Variants in BCAR3 observed in about 807,000 individuals in gnomAD.
BCAR3 encodes the protein breast cancer anti-estrogen resistance protein 3.
BCAR3 carries 37 observed loss-of-function variants against 80.1 expected under a neutral mutation model. The ratio of observed to expected loss-of-function variants is 0.46; its 90% CI spans 0.36 to 0.61. The LOEUF is 0.61. Ranked by LOEUF, BCAR3 falls within the 20% of genes least tolerant of loss-of-function variation. The pLI is 0.00. For missense variants in BCAR3, 978 were observed against 1,068.2 expected, an observed-to-expected ratio of 0.92 and a Z score of 1.18; for synonymous variants, 389 against 418.9, an observed-to-expected ratio of 0.93 and a Z score of 0.87.
intron 3 of BCAR3, among the ~76,000 whole-genome samples, chr1:93,603,922 G>T (rs1674698691): frequency 6.6e-6 from 1 of 152,224 alleles, no homozygotes; most frequent in African/African-American, 2.4e-5. Context: ...GAAATTGGCA[G>T]CAGAGATTCC....
chr1:93,749,173 A>G (rs1651458517), intron 2 of BCAR3, among the ~76,000 whole-genome samples: 2 of 151,944 alleles, frequency 1.3e-5, no homozygotes, highest in African/African-American at 2.4e-5. Flanking sequence ...TGGTAATTGC[A>G]TATTAATCTC....
intron 2 of BCAR3, among the ~76,000 whole-genome samples, chr1:93,811,982 C>A (rs1443220551): frequency 6.6e-6 from 1 of 152,176 alleles, no homozygotes; most frequent in Non-Finnish European, 1.5e-5. Flanking sequence ...TAAACGTTTC[C>A]CAGCACATCA....
At position 93,567,396 on chromosome 1, in the gene BCAR3, C is replaced by T. The variant is rs759045700; in HGVS notation, c.2182G>A (p.Asp728Asn). Residue 728 changes from aspartate to asparagine, a missense_variant, in exon 11 of 12, where the codon GAC becomes AAC. By Grantham distance (23) the Asp-to-Asn change is conservative. Coordinates refer to ENST00000260502, the MANE Select transcript of BCAR3 (RefSeq NM_003567.4). ...CTCTGGTCGTTTTTTTCCCACATGT[C>T]GGTTCCTTCAAAAGTCACAGCCTGG... is the stretch of plus-strand genomic sequence containing the variant. ...ERQAVTFEGT[D>N]MWEKNDQSCE... 53 of 1,613,890 alleles carry T rather than the reference C, an allele frequency of 3.3e-5. No individual in the cohort carries two copies. The Admixed American group carries it at 3.8e-4, about 12-fold the overall frequency.
At chr1:93,719,296 A>G (rs1032929777) in intron 2 of BCAR3, among the ~76,000 whole-genome samples, 3 of 151,482 alleles carry the variant, frequency 2.0e-5, no homozygotes, top group East Asian at 1.9e-4. Flanking sequence ...CAAAGAAATT[A>G]AAAAGGAGTA....
intron 3 of BCAR3, among the ~76,000 whole-genome samples, chr1:93,690,235 G>A (rs1033114678): frequency 3.9e-5 from 6 of 152,190 alleles, no homozygotes; most frequent in Non-Finnish European, 7.3e-5. Flanking sequence ...CCATCAAACC[G>A]AGAAGTGAAG....
At chr1:93,725,800 T>A (rs1166041404) in intron 2 of BCAR3, among the ~76,000 whole-genome samples, 1 of 152,166 alleles carries the variant, frequency 6.6e-6, no homozygotes, top group Non-Finnish European at 1.5e-5. Flanking sequence ...AGGGATCCAA[T>A]TTTTTGCCTT....
chr1:93,588,921 C>G lies in BCAR3; in HGVS notation c.929+56G>C, dbSNP rs1218616663. 3.7e-5 allele frequency: 55 copies of G among 1,477,708 alleles called. 1 individual carries two copies. The allele number at this position is 1,477,708 out of a possible 1,614,324, so 91.5% of individuals were successfully genotyped here. On this transcript the variant is annotated intron_variant, in intron 5 of 11. Transcript: ENST00000260502. ...CATGATGAATTCTTCACCTGCCTAA[C>G]TAACCTTGGGCACCCCGGCGCCCCT...
intron 7 of BCAR3, among the ~76,000 whole-genome samples, chr1:93,577,073 G>C (rs879928028): frequency 6.6e-6 from 1 of 152,202 alleles, no homozygotes; most frequent in Non-Finnish European, 1.5e-5. Context: ...AGGATCACTT[G>C]AGTACAGGAG....
intron 8 of BCAR3, 57 bp from the exon 9 acceptor site, chr1:93,571,898 A>C: frequency 1.3e-6 from 2 of 1,548,922 alleles, no homozygotes; most frequent in East Asian, 4.5e-5. Flanking sequence ...GGAGAAAACT[A>C]AACCAAATCA....
intron 2 of BCAR3, among the ~76,000 whole-genome samples, chr1:93,669,800 G>C (rs2101941245): frequency 6.6e-6 from 1 of 152,310 alleles, no homozygotes; most frequent in South Asian, 2.1e-4. Context: ...ACCTGGATGA[G>C]ATTGGAGACT....
chr1:93,811,353 C>G (rs1653834390), intron 2 of BCAR3, among the ~76,000 whole-genome samples: 1 of 152,184 alleles, frequency 6.6e-6, no homozygotes, highest in African/African-American at 2.4e-5. Flanking sequence ...TGAAGTCTGA[C>G]TGATATGGAA....
At chr1:93,664,915 A>G (rs1382602309) in intron 2 of BCAR3, among the ~76,000 whole-genome samples, 1 of 152,012 alleles carries the variant, frequency 6.6e-6, no homozygotes, top group Non-Finnish European at 1.5e-5. Flanking sequence ...CAATCCCACC[A>G]GTCCCATCTA....
chr1:93,767,807 C>T (rs185478555), intron 2 of BCAR3, among the ~76,000 whole-genome samples: 153 of 152,060 alleles, frequency 1.0e-3, no homozygotes, highest in Non-Finnish European at 1.2e-3. Context: ...AGAGTATTCT[C>T]GGGGCAAACA....
At chr1:93,740,724 C>T (rs1367637422) in intron 2 of BCAR3, among the ~76,000 whole-genome samples, 1 of 152,150 alleles carries the variant, frequency 6.6e-6, no homozygotes, top group Non-Finnish European at 1.5e-5. Flanking sequence ...GGCGGCCTTT[C>T]CCATCCTTTT....
chr1:93,739,454 C>T (rs987864754), intron 2 of BCAR3, among the ~76,000 whole-genome samples: 5 of 152,126 alleles, frequency 3.3e-5, no homozygotes, highest in Admixed American at 2.6e-4. Context: ...TCTTTTAATA[C>T]AGTATTAAAA....
intron 3 of BCAR3, among the ~76,000 whole-genome samples, chr1:93,690,036 T>C (rs1233526757): frequency 6.6e-6 from 1 of 152,200 alleles, no homozygotes; most frequent in African/African-American, 2.4e-5. Context: ...AATTATTTAA[T>C]TATAGCACAT....
chr1:93,717,660 G>A (rs1260037565), intron 2 of BCAR3, among the ~76,000 whole-genome samples: 1 of 151,514 alleles, frequency 6.6e-6, no homozygotes, highest in African/African-American at 2.4e-5. Context: ...CCAGGGAGGT[G>A]GAGGTTGCAG....
intron 2 of BCAR3, among the ~76,000 whole-genome samples, chr1:93,783,184 C>T (rs188734338): frequency 4.7e-4 from 72 of 152,286 alleles, no homozygotes; most frequent in Admixed American, 4.4e-3. Context: ...GAGAATTCTA[C>T]TCCTCCATAT....
At chr1:93,816,621 A>C (rs1258394548) in intron 2 of BCAR3, among the ~76,000 whole-genome samples, 1 of 144,898 alleles carries the variant, frequency 6.9e-6, no homozygotes, top group African/African-American at 2.6e-5. Context: ...CAGTGAGCCA[A>C]GGTTGCACCA....
Sources: gnomAD v4.1 joint callset for allele counts (sites outside exome capture counted in the v4.1 genomes callset) on GRCh38, gnomAD v4.1.1 for gene constraint, MANE v1.5 for transcripts, NCBI Gene and HGNC (gene_info 2026-07-23, HGNC 2026-07-21) for gene names.